The following SIPA1L3 variants were observed in gnomAD, a reference collection of about 807,000 sequenced individuals.
The protein encoded by SIPA1L3 is signal-induced proliferation-associated 1-like protein 3.
A neutral mutation model predicts 150.1 loss-of-function variants in SIPA1L3; 59 were observed. The observed-to-expected ratio is 0.39, with a 90% CI of 0.32 to 0.49. The LOEUF is 0.49. Among genes scored for constraint, SIPA1L3 ranks in the 20% least tolerant of loss-of-function variants. SIPA1L3 has a pLI of 0.86. For missense variants in SIPA1L3, 2,211 were observed against 2,489.5 expected (o/e 0.89, Z 2.38); for synonymous variants, 1,070 against 1,077.6 (o/e 0.99, Z 0.14).
chr19:38,078,998 A>G (rs1725461), intron 2 of SIPA1L3, among the ~76,000 whole-genome samples: 24,467 of 152,164 alleles, frequency 0.16, 2,103 homozygotes, highest in African/African-American at 0.22. Flanking sequence ...TACACCTCCA[A>G]TTAGGCAGAG....
chr19:37,966,080 C>T (rs77089045), intron 1 of SIPA1L3, among the ~76,000 whole-genome samples: 1,561 of 152,276 alleles, frequency 0.01, 15 homozygotes, highest in Non-Finnish European at 0.017. Context: ...AGACAGAATC[C>T]CCCTGTTCCC....
intron 16 of SIPA1L3, chr19:38,185,175 T>G (rs1019888168): frequency 2.6e-5 from 4 of 152,326 alleles, no homozygotes; most frequent in African/African-American, 9.6e-5. Flanking sequence ...TGTCATTCTG[T>G]GTCACTGTAC....
chr19:37,962,749 T>C (rs965622249), intron 1 of SIPA1L3, among the ~76,000 whole-genome samples: 9 of 152,056 alleles, frequency 5.9e-5, no homozygotes, highest in African/African-American at 1.9e-4. Context: ...GCCTTGGCTT[T>C]CCAGAGTGTT....
intron 12 of SIPA1L3, among the ~76,000 whole-genome samples, chr19:38,152,181 G>C (rs1038979071): frequency 2.6e-5 from 4 of 152,162 alleles, no homozygotes; most frequent in Non-Finnish European, 4.4e-5. Context: ...AGAACACACA[G>C]AGTTCTAGCC....
At chr19:37,945,402 A>T (rs2145537817) in intron 1 of SIPA1L3, among the ~76,000 whole-genome samples, 1 of 151,868 alleles carries the variant, frequency 6.6e-6, no homozygotes, top group South Asian at 2.1e-4. Context: ...CCTGGCTGAT[A>T]TTTTTTTGTA....
Position 38,124,251 on chromosome 19 carries a change from G to A in SIPA1L3, c.2868+4369G>A, listed in dbSNP as rs532391648. ...GGGCTCCTCACTTCTCAGATGGGGC[G>A]GTTGCCAGGCGGAGGGTCTCCTCAC... On this transcript the variant is annotated intron_variant, in intron 9 of 21. Coordinates refer to ENST00000222345, the MANE Select transcript of SIPA1L3 (RefSeq NM_015073.3). 7.8e-3 allele frequency among the ~76,000 whole-genome samples: 1,170 copies of A among 150,230 alleles called. 15 individuals carry two copies. The highest frequency in any genetic ancestry group is 0.027 in the African/African-American group (1,094 of 40,436).
intron 1 of SIPA1L3, among the ~76,000 whole-genome samples, chr19:37,918,522 T>A (rs1208324892): frequency 6.6e-6 from 1 of 152,002 alleles, no homozygotes; most frequent in African/African-American, 2.4e-5. Flanking sequence ...CCTCCCAAAG[T>A]GCTGGGATTA....
intron 1 of SIPA1L3, among the ~76,000 whole-genome samples, chr19:37,946,260 A>G (rs562927093): frequency 3.3e-5 from 5 of 152,178 alleles, no homozygotes; most frequent in African/African-American, 1.2e-4. Context: ...ATCCTCACCA[A>G]CGCTGGGCTC....
At chr19:38,020,296 T>G (rs1968344559) in intron 1 of SIPA1L3, among the ~76,000 whole-genome samples, 1 of 152,132 alleles carries the variant, frequency 6.6e-6, no homozygotes, top group Non-Finnish European at 1.5e-5. Context: ...TCACTGTTAG[T>G]AATTTTTTTT....
At chr19:38,101,964 G>C (rs113973935) in intron 6 of SIPA1L3, among the ~76,000 whole-genome samples, 8 of 152,016 alleles carry the variant, frequency 5.3e-5, no homozygotes, top group South Asian at 4.1e-4. Context: ...CACATGCTTC[G>C]TGCTGCGCAA....
intron 8 of SIPA1L3, among the ~76,000 whole-genome samples, chr19:38,118,619 C>T (rs1028340399): frequency 2.0e-5 from 3 of 151,782 alleles, no homozygotes; most frequent in South Asian, 2.1e-4. Flanking sequence ...CTGCAACCTC[C>T]GCCTCCCAGG....
chr19:37,977,808 C>T (rs750126412), intron 1 of SIPA1L3, among the ~76,000 whole-genome samples: 11 of 152,176 alleles, frequency 7.2e-5, no homozygotes, highest in South Asian at 2.1e-4. Flanking sequence ...GTGATTTGCA[C>T]GGTCTCCTCC....
intron 9 of SIPA1L3, among the ~76,000 whole-genome samples, chr19:38,124,630 CT>C (rs1448073197): frequency 1.3e-5 from 2 of 152,190 alleles, no homozygotes; most frequent in Non-Finnish European, 2.9e-5. Flanking sequence ...ACTCTTGGCA[CT>C]TTGGGAGGCC....
At chr19:38,005,599 T>C (rs1967921991) in intron 1 of SIPA1L3, among the ~76,000 whole-genome samples, 1 of 152,200 alleles carries the variant, frequency 6.6e-6, no homozygotes, top group Non-Finnish European at 1.5e-5. Context: ...TCATCTGACC[T>C]GATCAGGGCT....
At chr19:38,124,013 G>A (rs1349524025) in intron 9 of SIPA1L3, among the ~76,000 whole-genome samples, 36 of 150,996 alleles carry the variant, frequency 2.4e-4, no homozygotes, top group Non-Finnish European at 5.9e-5. Context: ...GCGGATGGCC[G>A]GGCAGAGGGG....
chr19:38,020,087 C>T (rs749237561), intron 1 of SIPA1L3, among the ~76,000 whole-genome samples: 12 of 139,250 alleles, frequency 8.6e-5, no homozygotes, highest in Admixed American at 1.6e-4. Context: ...AGTGAGACCC[C>T]GTCTCTCTCT....
chr19:38,011,692 G>T (rs1968102715), intron 1 of SIPA1L3, among the ~76,000 whole-genome samples: 1 of 152,184 alleles, frequency 6.6e-6, no homozygotes, highest in African/African-American at 2.4e-5. Context: ...GGGGGAAGAT[G>T]ATGAGGCCCA....
At chr19:38,205,765 C>G (rs1486722506) in intron 21 of SIPA1L3, among the ~76,000 whole-genome samples, 1 of 152,144 alleles carries the variant, frequency 6.6e-6, no homozygotes, top group African/African-American at 2.4e-5. Flanking sequence ...AGCGACAGTC[C>G]CCAAGTCCTC....
At chr19:38,124,124 A>T (rs985837501) in intron 9 of SIPA1L3, among the ~76,000 whole-genome samples, 1 of 144,970 alleles carries the variant, frequency 6.9e-6, no homozygotes, top group Admixed American at 6.8e-5. Flanking sequence ...TCCCTCCCGG[A>T]CGGGGTGGCT....
Sources: allele counts gnomAD v4.1 joint callset (sites outside exome capture counted in the v4.1 genomes callset), GRCh38; gene constraint gnomAD v4.1.1; transcripts MANE v1.5; gene names NCBI Gene and HGNC (gene_info 2026-07-23, HGNC 2026-07-21).